The following FOXP1 variants were observed in gnomAD, a reference collection of about 807,000 sequenced individuals.
FOXP1 encodes forkhead box protein P1.
Under a neutral mutation model 98.2 loss-of-function variants are expected in FOXP1, and 15 were observed. That is an observed-to-expected ratio of 0.15 (90% CI 0.10 to 0.24). The LOEUF (loss-of-function observed/expected upper bound fraction) is 0.24. FOXP1 is among the 10% of genes least tolerant of loss of function. The probability of loss-of-function intolerance (pLI) is 1.00; values close to 1 mark genes in which losing one functional copy is unlikely to be tolerated. For synonymous variants in FOXP1, 371 were observed against 314.5 expected (o/e 1.18, Z -1.90); for missense variants, 633 against 848.5 (o/e 0.75, Z 3.15).
chr3:71,449,464 T>C (rs1264771472), intron 3 of FOXP1, among the ~76,000 whole-genome samples: 2 of 152,202 alleles, frequency 1.3e-5, no homozygotes, highest in African/African-American at 4.8e-5. Context: ...ATGGGCAACA[T>C]TACAACACAT....
intron 2 of FOXP1, among the ~76,000 whole-genome samples, chr3:71,552,261 A>G (rs1244194885): frequency 1.3e-5 from 2 of 152,298 alleles, no homozygotes; most frequent in South Asian, 2.1e-4. Context: ...TTTTGGAAAT[A>G]TAACAAAAAC....
chr3:71,516,771 G>A (rs184158178), intron 2 of FOXP1, among the ~76,000 whole-genome samples: 73 of 152,210 alleles, frequency 4.8e-4, no homozygotes, highest in African/African-American at 1.7e-3. Context: ...GCTTGAACTC[G>A]GGAGGCAGAG....
chr3:71,453,666 C>G lies in FOXP1; in HGVS notation c.-168+39760G>C, dbSNP rs1472945875. On this transcript the variant is annotated intron_variant, in intron 3 of 20. Coordinates refer to ENST00000649528, the MANE Select transcript of FOXP1 (RefSeq NM_001349338.3). ...AGATTATCAATATCATTTTTGGGAT[C>G]TGGAATCTTATTCTCGTTGAAGAAA... Among the ~76,000 whole-genome samples, 3 of 152,112 alleles carry G rather than the reference C, an allele frequency of 2.0e-5. No individual in the cohort carries two copies. The East Asian group carries it at 5.8e-4, about 29-fold the overall frequency.
At chr3:71,013,057 T>C (rs2043893920) in intron 12 of FOXP1, among the ~76,000 whole-genome samples, 1 of 152,182 alleles carries the variant, frequency 6.6e-6, no homozygotes, top group African/African-American at 2.4e-5. Context: ...ACTGACAAGG[T>C]AACACAAGTA....
At chr3:71,256,037 G>A (rs1414705532) in intron 5 of FOXP1, among the ~76,000 whole-genome samples, 2 of 152,074 alleles carry the variant, frequency 1.3e-5, no homozygotes, top group African/African-American at 2.4e-5. Context: ...GTTTTATTAG[G>A]ACTAGTTGGA....
intron 4 of FOXP1, among the ~76,000 whole-genome samples, chr3:71,301,314 T>C (rs911751908): frequency 1.3e-5 from 2 of 152,190 alleles, no homozygotes; most frequent in Admixed American, 6.5e-5. Context: ...GAGAAGTCTA[T>C]TTCAGGGCAA....
At chr3:71,466,098 T>C (rs978578504) in intron 3 of FOXP1, among the ~76,000 whole-genome samples, 22 of 152,160 alleles carry the variant, frequency 1.4e-4, no homozygotes, top group Non-Finnish European at 7.3e-5. Context: ...GAAACACTTA[T>C]AAAGCTGGCA....
intron 7 of FOXP1, among the ~76,000 whole-genome samples, chr3:71,074,831 G>A (rs1430808009): frequency 6.6e-6 from 1 of 152,220 alleles, no homozygotes; most frequent in East Asian, 1.9e-4. Context: ...CTGGATGTGG[G>A]AGTGGGAACA....
rs141151319 is a variant in FOXP1, at chr3:71,142,589, G to A, written c.181-29952C>T. 1.2e-4 allele frequency among the ~76,000 whole-genome samples: 19 copies of A among 152,364 alleles called. No individual in the cohort carries two copies. The East Asian group carries it at 3.7e-3, about 29-fold the overall frequency. On this transcript the variant is annotated intron_variant, in intron 6 of 20. Coordinates refer to ENST00000649528, the MANE Select transcript of FOXP1 (RefSeq NM_001349338.3). Reference sequence around the variant, plus strand: ...GGGTAGACTCTAGATGCTGAGAGCAGCTGCAGGCTGACAGCCAGCAAGGAA... The same window carrying A: ...GGGTAGACTCTAGATGCTGAGAGCAACTGCAGGCTGACAGCCAGCAAGGAA...
chr3:71,515,827 T>C (rs1163168701), intron 2 of FOXP1, among the ~76,000 whole-genome samples: 1 of 152,166 alleles, frequency 6.6e-6, no homozygotes, highest in Admixed American at 6.5e-5. Context: ...TAAGGAAAGT[T>C]GCTAAAACAA....
chr3:70,995,118 A>G (rs1449764436), intron 13 of FOXP1, among the ~76,000 whole-genome samples: 1 of 151,958 alleles, frequency 6.6e-6, no homozygotes, highest in Non-Finnish European at 1.5e-5. Flanking sequence ...ACTTTTTGTG[A>G]CATCTCTTCT....
At chr3:71,135,886 A>G (rs2059799636) in intron 6 of FOXP1, among the ~76,000 whole-genome samples, 1 of 152,192 alleles carries the variant, frequency 6.6e-6, no homozygotes, top group Non-Finnish European at 1.5e-5. Flanking sequence ...AAGGAGTTGC[A>G]TCGACTATGC....
chr3:71,170,392 T>C (rs919915587), intron 6 of FOXP1, among the ~76,000 whole-genome samples: 6 of 152,212 alleles, frequency 3.9e-5, no homozygotes, highest in Non-Finnish European at 7.3e-5. Flanking sequence ...TATGGTCATG[T>C]CGACAACAGC....
chr3:71,565,359 A>G (rs1424097370), intron 2 of FOXP1, among the ~76,000 whole-genome samples: 1 of 152,102 alleles, frequency 6.6e-6, no homozygotes, highest in Non-Finnish European at 1.5e-5. Flanking sequence ...TTGTTAGGAT[A>G]TTTTATTTTG....
chr3:71,397,585 A>C (rs2081623502), intron 3 of FOXP1, among the ~76,000 whole-genome samples: 1 of 152,234 alleles, frequency 6.6e-6, no homozygotes, highest in Non-Finnish European at 1.5e-5. Flanking sequence ...TGATTTTACA[A>C]ATAGACATAT....
intron 4 of FOXP1, among the ~76,000 whole-genome samples, chr3:71,323,378 C>T (rs972793289): frequency 7.2e-5 from 11 of 152,096 alleles, no homozygotes; most frequent in Non-Finnish European, 1.3e-4. Context: ...GGAGGACCAT[C>T]CCAACACAGA....
At chr3:71,453,525 G>A (rs1434300939) in intron 3 of FOXP1, among the ~76,000 whole-genome samples, 1 of 152,110 alleles carries the variant, frequency 6.6e-6, no homozygotes, top group African/African-American at 2.4e-5. Context: ...TTCAACACAG[G>A]AGCAAACAAT....
chr3:71,061,726 A>G (rs2051511500), intron 7 of FOXP1, among the ~76,000 whole-genome samples: 1 of 152,224 alleles, frequency 6.6e-6, no homozygotes, highest in South Asian at 2.1e-4. Flanking sequence ...ACTGACCACT[A>G]CATTTGCCTA....
rs768640476 is a variant in FOXP1, at chr3:70,965,873, G to C, written c.1889+17C>G. ...TAGGGTCAGATAGCAAAGACCTGTT[G>C]GGTGGACAATACTCACACGGCTTGC... is the stretch of plus-strand genomic sequence containing the variant. On this transcript the variant is annotated intron_variant, in intron 20 of 20. Coordinates refer to ENST00000649528, the MANE Select transcript of FOXP1 (RefSeq NM_001349338.3). 2.5e-6 allele frequency: 4 copies of C among 1,612,962 alleles called. No individual in the cohort carries two copies. The highest frequency in any genetic ancestry group is 2.7e-5 in the African/African-American group (2 of 74,864).
Sources: allele counts gnomAD v4.1 joint callset (sites outside exome capture counted in the v4.1 genomes callset), GRCh38; gene constraint gnomAD v4.1.1; transcripts MANE v1.5; gene names NCBI Gene and HGNC (gene_info 2026-07-23, HGNC 2026-07-21).